The following COL13A1 variants were observed in gnomAD, a reference collection of about 807,000 sequenced individuals.
COL13A1 encodes the protein collagen alpha-1(XIII) chain.
Under a neutral mutation model 130.9 loss-of-function variants are expected in COL13A1, and 89 were observed. The ratio of observed to expected loss-of-function variants is 0.68; its 90% CI spans 0.57 to 0.81. The LOEUF (loss-of-function observed/expected upper bound fraction) is 0.81, where lower values mean the gene tolerates loss of function less well. Ranked by LOEUF, COL13A1 falls within the 30% of genes least tolerant of loss-of-function variation. The probability of loss-of-function intolerance (pLI) is 0.00; values close to 1 mark genes in which losing one functional copy is unlikely to be tolerated. For missense variants in COL13A1, 879 were observed against 934.6 expected, an observed-to-expected ratio of 0.94 and a Z score of 0.78; for synonymous variants, 402 against 341.6, an observed-to-expected ratio of 1.18 and a Z score of -1.95.
At chr10:69,835,492 A>G (rs1230783294) in intron 2 of COL13A1, among the ~76,000 whole-genome samples, 1 of 152,010 alleles carries the variant, frequency 6.6e-6, no homozygotes, top group African/African-American at 2.4e-5. Flanking sequence ...TTCAGCCACT[A>G]AGGCGACTTG....
In COL13A1 at chr10:69,862,167, C is replaced by T. The variant is rs376304114; in HGVS notation, c.365-5631C>T. 2.6e-5 allele frequency among the ~76,000 whole-genome samples: 4 copies of T among 152,274 alleles called. 1 individual carries two copies. Among genetic ancestry groups the T allele is most frequent in the African/African-American group, 9.6e-5 (4 of 41,544 alleles). ...GACATTTTTCCTAAGAAATGTAAAG[C>T]TTCTCAAAGCTTTGCTAATGGTGGG... On this transcript the variant is annotated intron_variant, in intron 2 of 40. Transcript: ENST00000645393.
At chr10:69,927,149 C>T (rs1565089092) in intron 27 of COL13A1, 39 bp downstream of exon 27, 14 of 1,612,652 alleles carry the variant, frequency 8.7e-6, no homozygotes, top group African/African-American at 1.3e-5. Context: ...GGGCACTGGA[C>T]GGGGGGGCTG....
chr10:69,850,499 CT>C, intron 2 of COL13A1, among the ~76,000 whole-genome samples: 1 of 150,214 alleles, frequency 6.7e-6, no homozygotes, highest in Non-Finnish European at 1.5e-5. Context: ...TGGCACATGT[CT>C]AATGCAGGGG....
Position 69,875,163 on chromosome 10 carries a change from G to T in COL13A1, c.435G>T (p.Val145=). ...GTGCCATTGGGATGCCTGGACGTGT[G>T]GTGAGTTGGCCCGTTTGTACCTGCT... ...DKGAIGMPGR[V]GVKGQPGEKG... is the part of the protein sequence containing the mutation. The change falls in exon 5 of 41, where the codon GTG becomes GTT. Residue 145 remains valine, a splice_region_variant and synonymous_variant. Coordinates refer to ENST00000645393, the MANE Select transcript of COL13A1 (RefSeq NM_001368882.1). The T allele has an allele frequency of 6.2e-7, 1 of 1,613,986 alleles. No individual in the cohort carries two copies. Among genetic ancestry groups the T allele is most frequent in the Non-Finnish European group, 8.5e-7 (1 of 1,179,892 alleles).
intron 26 of COL13A1, 57 bp from the exon 27 acceptor site, chr10:69,927,030 C>T (rs1308903747): frequency 1.4e-5 from 22 of 1,612,288 alleles, no homozygotes; most frequent in Middle Eastern, 1.6e-4. Context: ...GCAGTGAGAA[C>T]CTTCCACTTG....
In COL13A1 at chr10:69,916,221, A is replaced by C. The variant is rs143759442; in HGVS notation, c.922-1068A>C. 2.7e-3 allele frequency among the ~76,000 whole-genome samples: 411 copies of C among 152,342 alleles called. 14 individuals carry two copies. The highest frequency in any genetic ancestry group is 0.01 in the Middle Eastern group (3 of 294). ...CTGCCTTTAAGCCTATGGGAACTGCAGCCTGGCCTGGCAGCCACAGCAGTC... is the reference window on the plus strand; with the variant it reads ...CTGCCTTTAAGCCTATGGGAACTGCCGCCTGGCCTGGCAGCCACAGCAGTC... On this transcript the variant is annotated intron_variant, in intron 17 of 40. Coordinates refer to ENST00000645393, the MANE Select transcript of COL13A1 (RefSeq NM_001368882.1).
At position 69,930,083 on chromosome 10, in the gene COL13A1, A is replaced by C. The variant is rs774072050; in HGVS notation, c.1526A>C (p.Glu509Ala). 3 of 1,613,300 alleles carry C rather than the reference A, an allele frequency of 1.9e-6. No homozygotes were observed. In the South Asian group the frequency reaches 3.3e-5, roughly 18 times the overall value. Residue 509 changes from glutamate (E) to alanine (A), a missense_variant, in exon 29 of 41, where the codon GAA becomes GCA. Physicochemically the swap from Glu to Ala is moderately radical, Grantham distance 107. Around this residue, in one of 3 missense-constraint regions of COL13A1, gnomAD observed 715 missense variants for 721.0 expected, o/e 0.99. Transcript: ENST00000645393. ...CCAGGCCCTCCAGGACACGATGGGG[A>C]AAAGGTATGAACAGACGTCCTCTGG... ...GLPGPPGHDG[E>A]KGPRGKPGDM...
At chr10:69,907,336 C>A (rs1297410038) in intron 17 of COL13A1, among the ~76,000 whole-genome samples, 1 of 152,126 alleles carries the variant, frequency 6.6e-6, no homozygotes, top group Admixed American at 6.5e-5. Flanking sequence ...TAACAGAATA[C>A]CACAGACTGG....
intron 6 of COL13A1, among the ~76,000 whole-genome samples, chr10:69,878,673 G>T (rs1057101121): frequency 6.6e-6 from 1 of 152,168 alleles, no homozygotes; most frequent in African/African-American, 2.4e-5. Context: ...GTAGAGACAG[G>T]GTTTTACCAT....
chr10:69,854,097 G>A (rs977210327), intron 2 of COL13A1, among the ~76,000 whole-genome samples: 2 of 152,154 alleles, frequency 1.3e-5, no homozygotes, highest in Non-Finnish European at 2.9e-5. Context: ...TCGGCCTCCC[G>A]AGAACCCCAC....
intron 2 of COL13A1, among the ~76,000 whole-genome samples, chr10:69,848,684 G>T (rs1452031833): frequency 6.6e-6 from 1 of 152,204 alleles, no homozygotes; most frequent in African/African-American, 2.4e-5. Flanking sequence ...CCACACTTCT[G>T]CTGTGTCTTT....
intron 1 of COL13A1, among the ~76,000 whole-genome samples, chr10:69,809,900 G>A (rs1001932211): frequency 3.5e-4 from 53 of 152,190 alleles, no homozygotes; most frequent in African/African-American, 1.1e-3. Flanking sequence ...CTTGTCTCTC[G>A]GACTCTGAAC....
chr10:69,889,445 G>A lies in COL13A1; in HGVS notation c.603+5G>A, dbSNP rs1049106704. The A allele has an allele frequency of 1.2e-6, 2 of 1,611,374 alleles. No homozygotes were observed. The highest frequency in any genetic ancestry group is 1.7e-6 in the Non-Finnish European group (2 of 1,179,036). On this transcript the variant is annotated splice_donor_5th_base_variant and intron_variant, in intron 10 of 40. Transcript: ENST00000645393. ...CCAGGACCAAAGGGCGACATGGTAA[G>A]AGCCCAGCTTTCCTGCCTTCCCGAG...
At chr10:69,889,522 G>T in intron 10 of COL13A1, 82 bp downstream of exon 10, 1 of 1,549,256 alleles carries the variant, frequency 6.5e-7, no homozygotes, top group Non-Finnish European at 8.8e-7. Context: ...CTGCAAAGTG[G>T]GTCCCACAGG....
chr10:69,892,380 C>A (rs1218698673), intron 10 of COL13A1, among the ~76,000 whole-genome samples: 6 of 152,188 alleles, frequency 3.9e-5, no homozygotes, highest in African/African-American at 1.4e-4. Flanking sequence ...CCCCACCCCC[C>A]CACTTCACAT....
At position 69,875,116 on chromosome 10, in the gene COL13A1, C is replaced by T. The variant is rs779089919; in HGVS notation, c.400-12C>T. 6.8e-6 allele frequency: 11 copies of T among 1,613,988 alleles called. No homozygotes were observed. The highest frequency in any genetic ancestry group is 8.5e-6 in the Non-Finnish European group (10 of 1,179,876). ...AACCACATCTGACTGTTTCTGCCTC[C>T]TTCATCATCAGGGGGACAAAGGTGC... On this transcript the variant is annotated splice_polypyrimidine_tract_variant and intron_variant, in intron 4 of 40. Coordinates refer to ENST00000645393, the MANE Select transcript of COL13A1 (RefSeq NM_001368882.1).
chr10:69,912,409 A>C (rs1315483261), intron 17 of COL13A1, among the ~76,000 whole-genome samples: 1 of 152,112 alleles, frequency 6.6e-6, no homozygotes, highest in South Asian at 2.1e-4. Context: ...GGGAAGCAGG[A>C]ACTGAGCTGC....
intron 2 of COL13A1, among the ~76,000 whole-genome samples, chr10:69,864,994 A>G (rs1166313574): frequency 6.6e-6 from 1 of 152,240 alleles, no homozygotes; most frequent in East Asian, 1.9e-4. Flanking sequence ...CAGCAGGTGC[A>G]TGGGCGGAGT....
In COL13A1 at chr10:69,889,290, G is replaced by A. The variant is rs10999015; in HGVS notation, c.577-124G>A. 0.42 allele frequency: 512,412 copies of A among 1,232,176 alleles called. 108,641 individuals carry two copies. Among genetic ancestry groups the A allele is most frequent in the Non-Finnish European group, 0.45 (392,408 of 865,248 alleles). 76.3% of individuals were successfully genotyped at this position (1,232,176 alleles called of 1,614,324 possible). On this transcript the variant is annotated intron_variant, in intron 9 of 40. Coordinates refer to ENST00000645393, the MANE Select transcript of COL13A1 (RefSeq NM_001368882.1). The stretch of plus-strand genomic sequence containing the variant: ...AGCCAGAAGGTGCAGATGGAGCACA[G>A]GGGACAGGGAGGAGCACGGGGGGCA...
Sources: allele counts gnomAD v4.1 joint callset (sites outside exome capture counted in the v4.1 genomes callset), GRCh38; gene constraint gnomAD v4.1.1; regional missense constraint gnomAD v4.1.1; transcripts MANE v1.5; gene names NCBI Gene and HGNC (gene_info 2026-07-23, HGNC 2026-07-21).